CSMD2: variants seen among roughly 807,000 people sequenced by gnomAD.
CSMD2 encodes the protein CUB and Sushi multiple domains 2, also known as CUB and sushi domain-containing protein 2.
CSMD2 carries 130 observed loss-of-function variants against 398.5 expected under a neutral mutation model. That is an observed-to-expected ratio of 0.33 (90% CI 0.28 to 0.38). The LOEUF is 0.38. CSMD2 is among the 10% of genes least tolerant of loss of function. CSMD2 has a pLI of 1.00. For missense variants in CSMD2, 3,829 were observed against 4,764.9 expected, an observed-to-expected ratio of 0.80 and a Z score of 5.78; for synonymous variants, 1,828 against 1,908.5, an observed-to-expected ratio of 0.96 and a Z score of 1.10.
intron 1 of CSMD2, among the ~76,000 whole-genome samples, chr1:34,127,019 A>C (rs1662814415): frequency 6.6e-6 from 1 of 152,160 alleles, no homozygotes; most frequent in African/African-American, 2.4e-5. Flanking sequence ...GAGATGCAAG[A>C]GGACAGAAAA....
At chr1:34,150,013 C>T (rs533356791) in intron 1 of CSMD2, among the ~76,000 whole-genome samples, 13 of 152,200 alleles carry the variant, frequency 8.5e-5, no homozygotes, top group African/African-American at 3.1e-4. Context: ...ATCCCTGCAC[C>T]CTGCTCTCAG....
Position 33,527,252 on chromosome 1 carries a change from C to T in CSMD2, c.10178G>A (p.Arg3393Gln), listed in dbSNP as rs148437366. 4.5e-4 allele frequency: 726 copies of T among 1,612,822 alleles called. 23 individuals carry two copies. In the South Asian group the frequency reaches 5.3e-3, roughly 12 times the overall value. ...TGKPPICLEV[R>Q]PSGRPINTAR... is the part of the protein sequence containing the mutation. ...AGTGTTGATGGGTCTCCCACTGGGC[C>T]GGACCTCTGCTGGGGAAAAAGAGTG... The change falls in exon 65 of 71, where the codon CGG becomes CAG. Residue 3393 changes from arginine (R) to glutamine (Q), a missense_variant. Coordinates refer to ENST00000373381, the MANE Select transcript of CSMD2 (RefSeq NM_001281956.2).
intron 21 of CSMD2, among the ~76,000 whole-genome samples, chr1:33,709,732 G>A (rs933835999): frequency 6.6e-6 from 1 of 152,132 alleles, no homozygotes; most frequent in South Asian, 2.1e-4. Flanking sequence ...ACCCTTATGT[G>A]CAAAACAGCA....
chr1:33,561,470 A>G (rs943107273), intron 53 of CSMD2, among the ~76,000 whole-genome samples: 5 of 152,218 alleles, frequency 3.3e-5, no homozygotes, highest in Non-Finnish European at 7.3e-5. Context: ...AATAGATTCA[A>G]TTCACATAAT....
At chr1:33,599,301 G>A (rs139173815) in intron 44 of CSMD2, 58 of 152,306 alleles carry the variant, frequency 3.8e-4, no homozygotes, top group African/African-American at 1.4e-3. Flanking sequence ...CTCAGGAACA[G>A]GAACAAGAGA....
chr1:33,546,288 A>G, intron 56 of CSMD2, 69 bp from the exon 57 acceptor site: 1 of 1,491,198 alleles, frequency 6.7e-7, no homozygotes, highest in Non-Finnish European at 9.1e-7. Flanking sequence ...AGCAGGGGAG[A>G]AAGATACTGG....
chr1:34,103,719 G>A (rs954350773), intron 1 of CSMD2, among the ~76,000 whole-genome samples: 6 of 151,448 alleles, frequency 4.0e-5, no homozygotes, highest in African/African-American at 4.9e-5. Flanking sequence ...TATTAGGTTG[G>A]TGCAAAGGTA....
At chr1:33,931,355 T>C (rs1570544837) in intron 4 of CSMD2, among the ~76,000 whole-genome samples, 1 of 152,206 alleles carries the variant, frequency 6.6e-6, no homozygotes, top group Admixed American at 6.5e-5. Flanking sequence ...CTGTTTAGCT[T>C]GGCCTCCTAA....
At chr1:34,165,258 A>G, upstream of CSMD2, 5 of 1,181,622 alleles carry the variant, frequency 4.2e-6, no homozygotes, top group Non-Finnish European at 5.2e-6. Context: ...GGCCGGGGAG[A>G]GGCGCGCTGC....
intron 44 of CSMD2, 62 bp downstream of exon 44, chr1:33,600,803 G>T: frequency 6.3e-7 from 1 of 1,575,196 alleles, no homozygotes; most frequent in Non-Finnish European, 8.7e-7. Flanking sequence ...GGAGACGGGA[G>T]TCAAGCTCAG....
chr1:33,544,830 T>TA (rs1656715731), intron 57 of CSMD2, among the ~76,000 whole-genome samples: 1 of 115,428 alleles, frequency 8.7e-6, no homozygotes, highest in African/African-American at 3.4e-5. Context: ...CCACTGTGCA[T>TA]TTATATATAT....
At chr1:33,776,791 A>C (rs1652041385) in intron 12 of CSMD2, among the ~76,000 whole-genome samples, 1 of 152,072 alleles carries the variant, frequency 6.6e-6, no homozygotes, top group African/African-American at 2.4e-5. Context: ...AGAATGAAGA[A>C]GGAAAGAGGT....
At chr1:33,958,128 C>A (rs1257604567) in intron 3 of CSMD2, among the ~76,000 whole-genome samples, 1 of 152,138 alleles carries the variant, frequency 6.6e-6, no homozygotes, top group Non-Finnish European at 1.5e-5. Context: ...CACGCCTTTT[C>A]CTGACTGCCA....
In CSMD2 at chr1:33,797,746, G is replaced by A. The variant is rs1655116720; in HGVS notation, c.1447-5220C>T. 2.0e-5 allele frequency among the ~76,000 whole-genome samples: 3 copies of A among 152,296 alleles called. No homozygotes were observed. In the South Asian group the frequency reaches 6.2e-4, roughly 32 times the overall value. On this transcript the variant is annotated intron_variant, in intron 10 of 70. Transcript: ENST00000373381. ...CAGGTAGTGTCTTCTGCTGGAGGAA[G>A]GGCCTGGGCTCTGCAGGGACTGAGG... is the stretch of plus-strand genomic sequence containing the variant.
chr1:33,883,311 A>G (rs1321631), intron 5 of CSMD2, among the ~76,000 whole-genome samples: 25,077 of 152,114 alleles, frequency 0.16, 2,835 homozygotes, highest in African/African-American at 0.32. Context: ...AGCTGTGTGT[A>G]GTTGGGCAAG....
intron 2 of CSMD2, among the ~76,000 whole-genome samples, chr1:34,082,170 G>A (rs548062065): frequency 2.1e-3 from 287 of 137,830 alleles, no homozygotes; most frequent in African/African-American, 7.4e-3. Context: ...CGGCCGCCCC[G>A]TCTGGGAGGT....
At chr1:34,122,207 G>C (rs1329712976) in intron 1 of CSMD2, among the ~76,000 whole-genome samples, 6 of 152,088 alleles carry the variant, frequency 3.9e-5, no homozygotes, top group Non-Finnish European at 8.8e-5. Context: ...ATTCTGAAGA[G>C]GCTGCTAAAC....
intron 60 of CSMD2, among the ~76,000 whole-genome samples, chr1:33,539,384 T>A (rs1401677546): frequency 6.6e-6 from 1 of 152,198 alleles, no homozygotes; most frequent in Non-Finnish European, 1.5e-5. Context: ...TACAAGGAAA[T>A]TCTTTAAAGC....
At chr1:33,712,098 T>C (rs1646011990) in intron 21 of CSMD2, among the ~76,000 whole-genome samples, 2 of 152,192 alleles carry the variant, frequency 1.3e-5, no homozygotes, top group African/African-American at 4.8e-5. Context: ...CTGGCATCTG[T>C]GACTTCTGTC....
Sources: gnomAD v4.1 joint callset for allele counts (sites outside exome capture counted in the v4.1 genomes callset) on GRCh38, gnomAD v4.1.1 for gene constraint, MANE v1.5 for transcripts, NCBI Gene and HGNC (gene_info 2026-07-23, HGNC 2026-07-21) for gene names.